FCHSD2: variants seen among roughly 807,000 people sequenced by gnomAD.
The protein encoded by FCHSD2 is FCH and double SH3 domains 2.
In FCHSD2, 38 loss-of-function variants were observed where a neutral mutation model predicts 108.1. The observed-to-expected ratio is 0.35, with a 90% CI of 0.27 to 0.46. The LOEUF is 0.46. Ranked by LOEUF, FCHSD2 falls within the 20% of genes least tolerant of loss-of-function variation. The pLI, the probability that FCHSD2 is intolerant of heterozygous loss-of-function variation, is 1.00. For missense variants in FCHSD2, 751 were observed against 897.8 expected, an observed-to-expected ratio of 0.84 and a Z score of 2.09; for synonymous variants, 279 against 314.7, an observed-to-expected ratio of 0.89 and a Z score of 1.20.
intron 8 of FCHSD2, among the ~76,000 whole-genome samples, chr11:72,951,803 T>C (rs1189798937): frequency 6.6e-6 from 1 of 152,236 alleles, no homozygotes; most frequent in Non-Finnish European, 1.5e-5. Context: ...AATCTCTTTA[T>C]AAATTCTTAA....
At position 72,984,676 on chromosome 11, in the gene FCHSD2, T is replaced by C. The variant is rs544560374; in HGVS notation, c.576+386A>G. The stretch of plus-strand genomic sequence containing the variant: ...GCTTACTTAATCAGGCATTCCACAG[T>C]GTGAAGTTTCCGAAGGAAAAACTCA... On this transcript the variant is annotated intron_variant, in intron 7 of 19. Transcript: ENST00000409418. Among the ~76,000 whole-genome samples, 42 of 152,330 alleles carry C rather than the reference T, an allele frequency of 2.8e-4. 1 individual carries two copies. In the South Asian group the frequency reaches 8.5e-3, roughly 31 times the overall value.
chr11:72,906,130 TTG>T (rs1855625569), intron 9 of FCHSD2, among the ~76,000 whole-genome samples: 1 of 151,864 alleles, frequency 6.6e-6, no homozygotes, highest in South Asian at 2.1e-4. Context: ...CGCCATTCTG[TTG>T]TGACATAGTA....
intron 5 of FCHSD2, among the ~76,000 whole-genome samples, chr11:72,999,735 T>C (rs77066090): frequency 0.012 from 1,769 of 152,242 alleles, 105 homozygotes; most frequent in Admixed American, 0.085. Context: ...TGATATTGAG[T>C]AAGGTGGCAG....
intron 2 of FCHSD2, among the ~76,000 whole-genome samples, chr11:73,105,470 G>A (rs1271302821): frequency 6.6e-6 from 1 of 152,088 alleles, no homozygotes; most frequent in African/African-American, 2.4e-5. Flanking sequence ...CCAAAAGAAA[G>A]ATAACTTGGG....
rs745771397 is a variant in FCHSD2, at chr11:72,902,632, G to A, written c.835C>T (p.Arg279Trp). The A allele has an allele frequency of 1.7e-5, 26 of 1,564,994 alleles. No individual in the cohort carries two copies. Among genetic ancestry groups the A allele is most frequent in the South Asian group, 3.5e-5 (3 of 84,946 alleles). The change falls in exon 10 of 20, where the codon CGG (arginine) becomes TGG (tryptophan). Residue 279 changes from arginine to tryptophan, a missense_variant. By Grantham distance (101) the Arg-to-Trp change is moderately radical. Coordinates refer to ENST00000409418, the MANE Select transcript of FCHSD2 (RefSeq NM_014824.3). The stretch of plus-strand genomic sequence containing the variant: ...AAAAACAGCTGAAGATTGTAGTCCC[G>A]GACCACCTAAAGAGAAAATAAAATA... ...FLLENSSKVV[R>W]DYNLQLFLQE...
intron 3 of FCHSD2, among the ~76,000 whole-genome samples, chr11:73,036,342 G>C (rs1675164047): frequency 6.6e-6 from 1 of 151,070 alleles, no homozygotes. Context: ...AAAAACCCAA[G>C]CTTCATAATC....
chr11:73,016,985 G>A (rs1857988179), intron 3 of FCHSD2, among the ~76,000 whole-genome samples: 3 of 151,772 alleles, frequency 2.0e-5, no homozygotes, highest in South Asian at 2.1e-4. Flanking sequence ...GTTTGTTTTC[G>A]TTCGTTTGTT....
At chr11:73,012,360 T>A (rs1346057745) in intron 4 of FCHSD2, among the ~76,000 whole-genome samples, 1 of 151,794 alleles carries the variant, frequency 6.6e-6, no homozygotes, top group African/African-American at 2.4e-5. Context: ...CAGAAAAAAA[T>A]GTGAAAGAAA....
At chr11:73,027,765 G>C (rs1040372736) in intron 3 of FCHSD2, among the ~76,000 whole-genome samples, 32 of 152,354 alleles carry the variant, frequency 2.1e-4, no homozygotes, top group African/African-American at 7.2e-4. Flanking sequence ...CCCAGGACCA[G>C]GGCTGTGCTG....
intron 2 of FCHSD2, among the ~76,000 whole-genome samples, chr11:73,139,008 A>T (rs1209857651): frequency 6.6e-6 from 1 of 152,226 alleles, no homozygotes; most frequent in Non-Finnish European, 1.5e-5. Context: ...AGAAAACAAC[A>T]ATCTTGATAT....
intron 2 of FCHSD2, among the ~76,000 whole-genome samples, chr11:73,120,473 TA>T (rs1281597290): frequency 6.6e-6 from 1 of 152,324 alleles, no homozygotes; most frequent in Non-Finnish European, 1.5e-5. Context: ...CTCACACCCG[TA>T]ATCCTGGCAC....
chr11:72,948,869 G>C (rs889839438), intron 8 of FCHSD2, among the ~76,000 whole-genome samples: 1 of 151,692 alleles, frequency 6.6e-6, no homozygotes, highest in Non-Finnish European at 1.5e-5. Context: ...GTTTCACCAC[G>C]TTAGCTAGGA....
At chr11:73,028,703 A>G (rs571366013) in intron 3 of FCHSD2, among the ~76,000 whole-genome samples, 1 of 152,322 alleles carries the variant, frequency 6.6e-6, no homozygotes, top group South Asian at 2.1e-4. Context: ...CTCAACTGGA[A>G]TTGTAATCCC....
chr11:72,884,788 G>A (rs1242756849), intron 12 of FCHSD2, among the ~76,000 whole-genome samples: 1 of 151,900 alleles, frequency 6.6e-6, no homozygotes, highest in African/African-American at 2.4e-5. Flanking sequence ...CAGAGACGAT[G>A]TCTCATCTGT....
chr11:72,948,564 C>G (rs1027068847), intron 8 of FCHSD2, among the ~76,000 whole-genome samples: 1 of 152,124 alleles, frequency 6.6e-6, no homozygotes, highest in African/African-American at 2.4e-5. Context: ...TCCAAAACAA[C>G]TGTATCAATT....
intron 11 of FCHSD2, among the ~76,000 whole-genome samples, chr11:72,888,603 TTTTCTTTC>T (rs974966266): frequency 4.0e-5 from 6 of 151,898 alleles, no homozygotes; most frequent in Admixed American, 6.6e-5. Context: ...TCGAGATATA[TTTTCTTTC>T]TTTCTTTCTT....
rs945906820 is a variant in FCHSD2, at chr11:73,083,688, A to T, written c.165+7T>A. The T allele has an allele frequency of 2.6e-6, 4 of 1,539,622 alleles. No individual in the cohort carries two copies. In the African/African-American group the frequency reaches 5.5e-5, roughly 21 times the overall value. On this transcript the variant is annotated splice_region_variant and intron_variant, in intron 3 of 19. Coordinates refer to ENST00000409418, the MANE Select transcript of FCHSD2 (RefSeq NM_014824.3). ...ACCTAGAATGGGACCTCCAATTTCA[A>T]GCTTACCTGTGCATACTCTCTTTCA...
intron 8 of FCHSD2, among the ~76,000 whole-genome samples, chr11:72,976,418 A>C (rs1342117546): frequency 6.6e-6 from 1 of 152,032 alleles, no homozygotes; most frequent in Non-Finnish European, 1.5e-5. Flanking sequence ...CAGCCTCCTG[A>C]GTAGCTGGGA....
chr11:72,935,270 T>G (rs778440010), intron 8 of FCHSD2, among the ~76,000 whole-genome samples: 5 of 152,146 alleles, frequency 3.3e-5, no homozygotes, highest in Admixed American at 6.5e-5. Context: ...AAGCATTTGA[T>G]GTAATTTCCC....
Sources: gnomAD v4.1 joint callset for allele counts (sites outside exome capture counted in the v4.1 genomes callset) on GRCh38, gnomAD v4.1.1 for gene constraint, MANE v1.5 for transcripts, NCBI Gene and HGNC (gene_info 2026-07-23, HGNC 2026-07-21) for gene names.